The following FUT8 variants were observed in gnomAD, a reference collection of about 807,000 sequenced individuals.
The protein encoded by FUT8 is alpha-(1,6)-fucosyltransferase.
FUT8 carries 29 observed loss-of-function variants against 71.3 expected under a neutral mutation model. The ratio of observed to expected loss-of-function variants is 0.41; its 90% CI spans 0.30 to 0.55. The LOEUF (loss-of-function observed/expected upper bound fraction) is 0.55, where lower values mean the gene tolerates loss of function less well. Among genes scored for constraint, FUT8 ranks in the 20% least tolerant of loss-of-function variants. FUT8 has a pLI of 0.34. For missense variants in FUT8, 544 were observed against 702.1 expected (o/e 0.77, Z 2.55); for synonymous variants, 254 against 239.3 (o/e 1.06, Z -0.57).
chr14:65,626,401 C>G (rs574216651), intron 5 of FUT8, among the ~76,000 whole-genome samples: 39 of 152,312 alleles, frequency 2.6e-4, no homozygotes, highest in Non-Finnish European at 4.4e-4. Flanking sequence ...TCCCAAAGCT[C>G]TCTCCTCTGA....
intron 5 of FUT8, among the ~76,000 whole-genome samples, chr14:65,629,150 A>C (rs1402940223): frequency 6.6e-6 from 1 of 152,236 alleles, no homozygotes; most frequent in Non-Finnish European, 1.5e-5. Flanking sequence ...TACTAACGTC[A>C]ACTTCTTTCT....
At chr14:65,398,609 G>A in the FUT8 span, among the ~76,000 whole-genome samples, 4 of 151,878 alleles carry the variant, frequency 2.6e-5, no homozygotes, top group African/African-American at 4.8e-5. Flanking sequence ...GGTGATGTGT[G>A]CCTATAGTCC....
intron 2 of FUT8, among the ~76,000 whole-genome samples, chr14:65,522,802 A>G (rs1032048336): frequency 1.4e-5 from 2 of 140,428 alleles, no homozygotes; most frequent in Non-Finnish European, 3.0e-5. Flanking sequence ...GGTTTCCACC[A>G]ATGAGTGAGA....
chr14:65,406,399 T>C (rs1309985721), upstream of FUT8, among the ~76,000 whole-genome samples: 2 of 152,256 alleles, frequency 1.3e-5, no homozygotes, highest in Non-Finnish European at 2.9e-5. Flanking sequence ...GCCAATACCA[T>C]GGCACTGGCT....
the FUT8 span, among the ~76,000 whole-genome samples, chr14:65,358,212 T>C: frequency 6.6e-6 from 1 of 152,226 alleles, no homozygotes; most frequent in Non-Finnish European, 1.5e-5. Context: ...AAAGAAATGA[T>C]AAATGTTTAA....
intron 1 of FUT8, among the ~76,000 whole-genome samples, chr14:65,444,660 G>A (rs558576464): frequency 2.0e-5 from 3 of 152,284 alleles, no homozygotes; most frequent in East Asian, 1.9e-4. Flanking sequence ...GAGGAATCTC[G>A]AAGACATTAT....
At chr14:65,418,709 A>G (rs962279060) in intron 1 of FUT8, among the ~76,000 whole-genome samples, 2 of 150,492 alleles carry the variant, frequency 1.3e-5, no homozygotes, top group Non-Finnish European at 2.9e-5. Flanking sequence ...CTTTCCCTCT[A>G]CTTACTTCTC....
chr14:65,720,155 G>T (rs1895339769), intron 7 of FUT8, among the ~76,000 whole-genome samples: 1 of 152,128 alleles, frequency 6.6e-6, no homozygotes, highest in South Asian at 2.1e-4. Context: ...TTCTCCTGCA[G>T]CTGAGCTGGC....
Position 65,722,033 on chromosome 14 carries a change from AT to A in FUT8, c.1082+18del, listed in dbSNP as rs749392023. ...CATCCAGTTATTGGGTAAGAATCTG[AT>A]TTTTTCCCTCAAACTGTGATATGTA... is the stretch of plus-strand genomic sequence containing the variant. On this transcript the variant is annotated intron_variant, in intron 8 of 10. Coordinates refer to ENST00000673929, the MANE Select transcript of FUT8 (RefSeq NM_001371533.1). 7 of 1,612,798 alleles carry A rather than the reference AT, an allele frequency of 4.3e-6. No individual in the cohort carries two copies. The highest frequency in any genetic ancestry group is 1.7e-4 in the Middle Eastern group (1 of 6,018).
At chr14:65,644,686 G>A (rs1315536334) in intron 6 of FUT8, among the ~76,000 whole-genome samples, 1 of 152,128 alleles carries the variant, frequency 6.6e-6, no homozygotes, top group African/African-American at 2.4e-5. Flanking sequence ...TACTGAATTA[G>A]CAATAGTGAA....
intron 5 of FUT8, among the ~76,000 whole-genome samples, chr14:65,628,459 T>C (rs914656340): frequency 3.9e-5 from 6 of 152,228 alleles, no homozygotes; most frequent in Non-Finnish European, 7.4e-5. Flanking sequence ...TGTTAGGAGG[T>C]TGTTGTAATC....
At chr14:65,435,022 C>T (rs950051679) in intron 1 of FUT8, among the ~76,000 whole-genome samples, 1 of 152,162 alleles carries the variant, frequency 6.6e-6, no homozygotes. Flanking sequence ...CTGATCTATT[C>T]TCTATGGCTA....
At chr14:65,449,402 G>A (rs2065789111) in intron 1 of FUT8, among the ~76,000 whole-genome samples, 1 of 152,080 alleles carries the variant, frequency 6.6e-6, no homozygotes, top group Admixed American at 6.5e-5. Flanking sequence ...GTTTTTGTTA[G>A]TATGTATCAC....
chr14:65,517,846 GT>G (rs1276009920), intron 2 of FUT8, among the ~76,000 whole-genome samples: 2 of 152,164 alleles, frequency 1.3e-5, no homozygotes, highest in African/African-American at 2.4e-5. Context: ...CTACATATAT[GT>G]TTCAAGGTTC....
At chr14:65,634,546 C>T (rs1347830687) in intron 6 of FUT8, among the ~76,000 whole-genome samples, 2 of 145,044 alleles carry the variant, frequency 1.4e-5, no homozygotes, top group East Asian at 2.0e-4. Flanking sequence ...CGAGAAACAC[C>T]CAAGAATGAT....
At chr14:65,482,359 GTTTTAA>G (rs1343277666) in intron 2 of FUT8, among the ~76,000 whole-genome samples, 1 of 151,550 alleles carries the variant, frequency 6.6e-6, no homozygotes, top group East Asian at 1.9e-4. Context: ...TACCAGCTCA[GTTTTAA>G]TTTTAAAGTG....
At chr14:65,691,128 G>T (rs1893564125) in intron 7 of FUT8, among the ~76,000 whole-genome samples, 2 of 151,164 alleles carry the variant, frequency 1.3e-5, no homozygotes, top group Admixed American at 6.6e-5. Flanking sequence ...GGGTGGAGGG[G>T]CAGGGGCAAG....
the FUT8 span, among the ~76,000 whole-genome samples, chr14:65,387,426 A>C: frequency 1.3e-5 from 2 of 152,196 alleles, no homozygotes; most frequent in Non-Finnish European, 2.9e-5. Context: ...GGTCAAAGGT[A>C]GTTTCCTCAC....
chr14:65,554,816 A>T (rs1885501621), intron 2 of FUT8, among the ~76,000 whole-genome samples: 1 of 152,192 alleles, frequency 6.6e-6, no homozygotes, highest in African/African-American at 2.4e-5. Flanking sequence ...CCTGCATCAC[A>T]GCATGACCTC....
Sources: allele counts gnomAD v4.1 joint callset (sites outside exome capture counted in the v4.1 genomes callset), GRCh38; gene constraint gnomAD v4.1.1; transcripts MANE v1.5; gene names NCBI Gene and HGNC (gene_info 2026-07-23, HGNC 2026-07-21).